RP1: variants seen among roughly 807,000 people sequenced by gnomAD.
RP1 encodes the protein RP1 axonemal microtubule associated.
RP1 carries 16 observed loss-of-function variants against 14.8 expected under a neutral mutation model. The observed-to-expected ratio is 1.08, with a 90% CI of 0.73 to 1.65. The LOEUF (loss-of-function observed/expected upper bound fraction) is 1.65, where lower values mean the gene tolerates loss of function less well. Ranked by LOEUF, RP1 falls within the 40% of genes most tolerant of loss-of-function variation. RP1 has a pLI of 0.00. For synonymous variants in RP1, 876 were observed against 883.6 expected, an observed-to-expected ratio of 0.99 and a Z score of 0.15; for missense variants, 2,631 against 2,535.0, an observed-to-expected ratio of 1.04 and a Z score of -0.81.
At position 54,720,357 on chromosome 8, in the gene RP1, G is replaced by A. The variant is rs1808506426; in HGVS notation, c.2389+51G>A. On this transcript the variant is annotated intron_variant, in intron 16 of 22. Transcript: ENST00000636932. ...TTTTTGGTTTGCTTTATGATGGTTT[G>A]TGTACAGTGTCTGAAAATTTCATCA... 3 of 1,417,748 alleles carry A rather than the reference G, an allele frequency of 2.1e-6. No homozygotes were observed. The South Asian group carries it at 4.3e-5, about 20-fold the overall frequency. The allele number at this position is 1,417,748 out of a possible 1,614,324, so 87.8% of individuals were successfully genotyped here. A position where few individuals can be genotyped will look rare whatever the true frequency, so the allele number is the denominator to read the frequency against.
Position 54,627,356 on chromosome 8 carries a change from A to G in RP1, c.3474A>G (p.Ser1158=), listed in dbSNP as rs1283312179. The part of the protein sequence containing the change: ...VDAHKATNKS[S]ETLALLEILK... ...CTCACAAGGCTACCAACAAATCTTC[A>G]GAAACACTTGCATTGTTGGAGATTC... Residue 1158 remains serine, a synonymous_variant, in exon 4 of 4, where the codon TCA becomes TCG. Coordinates refer to ENST00000220676, the MANE Select transcript of RP1 (RefSeq NM_006269.2). The G allele has an allele frequency of 3.7e-6, 6 of 1,614,174 alleles. No homozygotes were observed. Among genetic ancestry groups the G allele is most frequent in the Non-Finnish European group, 5.1e-6 (6 of 1,179,986 alleles).
intron 25 of RP1, among the ~76,000 whole-genome samples, chr8:54,843,041 A>G (rs902977449): frequency 3.3e-5 from 5 of 151,740 alleles, no homozygotes; most frequent in Admixed American, 2.6e-4. Context: ...TTTTCTCTCT[A>G]CGGCTCAGAC....
intron 1 of RP1, among the ~76,000 whole-genome samples, chr8:54,602,300 C>G (rs1007893981): frequency 2.0e-5 from 3 of 151,848 alleles, no homozygotes; most frequent in African/African-American, 7.3e-5. Flanking sequence ...GGTTTTTTGT[C>G]CTTGCGACAG....
intron 27 of RP1, among the ~76,000 whole-genome samples, chr8:54,861,524 C>T (rs1166053811): frequency 1.3e-5 from 2 of 152,194 alleles, no homozygotes; most frequent in Non-Finnish European, 2.9e-5. Flanking sequence ...ATTAATCTGT[C>T]CATCTCTTGT....
intron 15 of RP1, among the ~76,000 whole-genome samples, chr8:54,719,351 GA>G (rs1463404516): frequency 1.7e-4 from 26 of 152,212 alleles, no homozygotes; most frequent in African/African-American, 5.8e-4. Context: ...AAGCGAGAGA[GA>G]AAGAGAGAGA....
At chr8:54,587,425 CAAAAAAAA>C (rs568598595) in intron 1 of RP1, among the ~76,000 whole-genome samples, 1 of 95,008 alleles carries the variant, frequency 1.1e-5, no homozygotes, top group Non-Finnish European at 2.4e-5. Context: ...GACCCTGTCT[CAAAAAAAA>C]AAAAAAAAAA....
intron 22 of RP1, among the ~76,000 whole-genome samples, chr8:54,761,570 A>C (rs1453461890): frequency 2.0e-5 from 3 of 152,102 alleles, no homozygotes; most frequent in Non-Finnish European, 4.4e-5. Flanking sequence ...GTGCTGTGCC[A>C]CCATGGCCTC....
rs1808762144 is a variant in RP1, at chr8:54,730,274, A to C, written c.2521+3798A>C. Among the ~76,000 whole-genome samples the C allele has an allele frequency of 2.0e-5, 3 of 152,178 alleles. No homozygotes were observed. The Middle Eastern group carries it at 0.01, about 518-fold the overall frequency. On this transcript the variant is annotated intron_variant, in intron 17 of 22. Transcript: ENST00000636932. ...TCTTAGTATATTCTCATTTCCTCTT[A>C]GTATATTCTTCTTATATGTATATAA... is the stretch of plus-strand genomic sequence containing the variant.
chr8:54,833,739 A>G (rs1339844461), intron 24 of RP1, among the ~76,000 whole-genome samples: 1 of 152,050 alleles, frequency 6.6e-6, no homozygotes, highest in East Asian at 1.9e-4. Context: ...ATAGCAACTA[A>G]TTGGATTACA....
chr8:54,750,891 G>T (rs1277871866), intron 19 of RP1, among the ~76,000 whole-genome samples: 1 of 152,230 alleles, frequency 6.6e-6, no homozygotes, highest in Non-Finnish European at 1.5e-5. Flanking sequence ...CATTCTGATA[G>T]GACAGAAATG....
At chr8:54,704,182 C>G (rs1808095641) in intron 14 of RP1, among the ~76,000 whole-genome samples, 1 of 152,206 alleles carries the variant, frequency 6.6e-6, no homozygotes. Flanking sequence ...CAGCTTTTGA[C>G]AGATCTTCCT....
chr8:54,610,359 G>A (rs1004326582), intron 1 of RP1, among the ~76,000 whole-genome samples: 1 of 152,092 alleles, frequency 6.6e-6, no homozygotes, highest in African/African-American at 2.4e-5. Context: ...TTTGGGATCT[G>A]ATCTTGCACC....
chr8:54,839,659 C>T (rs1365103249), intron 25 of RP1, among the ~76,000 whole-genome samples: 1 of 152,182 alleles, frequency 6.6e-6, no homozygotes, highest in African/African-American at 2.4e-5. Flanking sequence ...ACCAGAGGAA[C>T]TGGGCTTCTC....
Position 54,621,459 on chromosome 8 carries a change from A to T in RP1, c.493A>T (p.Lys165Ter), listed in dbSNP as rs753237405. Reference sequence around the variant, plus strand: ...AGTGGTCTTCAGGAATGGCGACCCGAAGACGAGGCGTGCGGTTCTTCTGAG... The same window carrying T: ...AGTGGTCTTCAGGAATGGCGACCCGTAGACGAGGCGTGCGGTTCTTCTGAG... The part of the protein sequence containing the change: ...SLVVFRNGDP[K>*]TRRAVLLSRR... The change falls in exon 2 of 4, where the codon AAG (lysine) becomes TAG (stop). Residue 165 changes from lysine (K) to a stop codon, truncating the protein, a stop_gained. Coordinates refer to ENST00000220676, the MANE Select transcript of RP1 (RefSeq NM_006269.2). LOFTEE classifies it high-confidence loss of function. 6.2e-7 allele frequency: 1 copy of T among 1,613,900 alleles called. No homozygotes were observed. Among genetic ancestry groups the T allele is most frequent in the Non-Finnish European group, 8.5e-7 (1 of 1,179,990 alleles).
chr8:54,708,109 C>T (rs1808194033), intron 15 of RP1, among the ~76,000 whole-genome samples: 1 of 152,190 alleles, frequency 6.6e-6, no homozygotes, highest in Non-Finnish European at 1.5e-5. Context: ...CCTTTCCCTT[C>T]TGGGGCTCGC....
chr8:54,695,374 A>G (rs1807834273), intron 12 of RP1, among the ~76,000 whole-genome samples: 7 of 152,112 alleles, frequency 4.6e-5, no homozygotes, highest in Admixed American at 3.9e-4. Context: ...ATAAATAGCC[A>G]TCTCTTCATA....
intron 1 of RP1, among the ~76,000 whole-genome samples, chr8:54,617,205 A>C (rs1745873341): frequency 6.6e-6 from 1 of 152,204 alleles, no homozygotes; most frequent in Non-Finnish European, 1.5e-5. Context: ...AAGATTCTAC[A>C]GTTACCTCTT....
chr8:54,745,887 G>A (rs1809212874), intron 19 of RP1, among the ~76,000 whole-genome samples: 1 of 152,098 alleles, frequency 6.6e-6, no homozygotes, highest in Admixed American at 6.6e-5. Context: ...CTGCATCAGA[G>A]CTAAAGCAAA....
chr8:54,641,424 A>G (rs1289680254), intron 3 of RP1, among the ~76,000 whole-genome samples: 1 of 152,194 alleles, frequency 6.6e-6, no homozygotes, highest in Non-Finnish European at 1.5e-5. Context: ...CCATTTATAT[A>G]ATAAATTTGT....
Sources: allele counts gnomAD v4.1 joint callset (sites outside exome capture counted in the v4.1 genomes callset), GRCh38; gene constraint gnomAD v4.1.1; transcripts MANE v1.5; gene names NCBI Gene and HGNC (gene_info 2026-07-23, HGNC 2026-07-21).